Variants in CBLN2 observed in about 807,000 individuals in gnomAD.
The protein encoded by CBLN2 is cerebellin 2 precursor, also known as cerebellin-2.
CBLN2 carries 7 observed loss-of-function variants against 15.0 expected under a neutral mutation model. That is an observed-to-expected ratio of 0.47 (90% CI 0.27 to 0.88). CBLN2 has a LOEUF of 0.88. Among genes scored for constraint, CBLN2 ranks in the 40% least tolerant of loss-of-function variants. The pLI, the probability that CBLN2 is intolerant of heterozygous loss-of-function variation, is 0.14. For synonymous variants in CBLN2, 149 were observed against 135.2 expected (o/e 1.10, Z -0.71); for missense variants, 242 against 304.5 (o/e 0.79, Z 1.53).
chr18:72,610,452 A>G (rs1282797349), intron 1 of CBLN2, among the ~76,000 whole-genome samples: 1 of 152,090 alleles, frequency 6.6e-6, no homozygotes, highest in African/African-American at 2.4e-5. Context: ...ATTTTTGTGT[A>G]ATACTATTTT....
chr18:72,626,284 G>A (rs955017235), intron 1 of CBLN2, among the ~76,000 whole-genome samples: 2 of 152,028 alleles, frequency 1.3e-5, no homozygotes, highest in Middle Eastern at 3.4e-3. Flanking sequence ...AATCAGTAGG[G>A]ACAATGTCAT....
At position 72,554,291 on chromosome 18, in the gene CBLN2, A is replaced by G. The variant is rs372470511; in HGVS notation, c.16-15519T>C. ...CCTAGAGGATGTTTGCAAGAAAGTGACAAGAATAATTTTTAAGAGAAAAAT... is the reference window on the plus strand; with the variant it reads ...CCTAGAGGATGTTTGCAAGAAAGTGGCAAGAATAATTTTTAAGAGAAAAAT... On this transcript the variant is annotated intron_variant, in intron 1 of 2. Transcript: ENST00000581073. 4.0e-3 allele frequency among the ~76,000 whole-genome samples: 616 copies of G among 152,242 alleles called. 3 individuals are homozygous for G. The Middle Eastern group carries it at 0.041, about 10-fold the overall frequency.
chr18:72,573,809 G>A (rs560227957), intron 1 of CBLN2, among the ~76,000 whole-genome samples: 1 of 152,264 alleles, frequency 6.6e-6, no homozygotes, highest in Admixed American at 6.5e-5. Flanking sequence ...GTAAATACAG[G>A]TGGGTACAAC....
intron 1 of CBLN2, among the ~76,000 whole-genome samples, chr18:72,634,078 CAAT>C (rs2069795988): frequency 6.6e-6 from 1 of 151,786 alleles, no homozygotes; most frequent in African/African-American, 2.4e-5. Context: ...ATTTTTAAAA[CAAT>C]AACCAATAAT....
At chr18:72,594,356 T>A (rs2069499545) in intron 1 of CBLN2, among the ~76,000 whole-genome samples, 1 of 152,182 alleles carries the variant, frequency 6.6e-6, no homozygotes, top group Admixed American at 6.5e-5. Flanking sequence ...ATGAATGATC[T>A]TTTTAATGTT....
chr18:72,541,846 C>T lies in CBLN2; in HGVS notation c.315G>A (p.Pro105=), dbSNP rs2069114692. 2 of 1,591,894 alleles carry T rather than the reference C, an allele frequency of 1.3e-6. No homozygotes were observed. Among genetic ancestry groups the T allele is most frequent in the Non-Finnish European group, 1.7e-6 (2 of 1,171,272 alleles). Reference sequence around the variant, plus strand: ...TCATGGTGCGGTTGCTCATCTCGGACGGCTCGTGGTTGGTGCTCCGCGTGG... The same window carrying T: ...TCATGGTGCGGTTGCTCATCTCGGATGGCTCGTGGTTGGTGCTCCGCGTGG... ...FSATRSTNHE[P]SEMSNRTMTI... The change falls in exon 3 of 5, where the codon CCG becomes CCA. Residue 105 remains proline, a synonymous_variant. Coordinates refer to ENST00000269503, the MANE Select transcript of CBLN2 (RefSeq NM_182511.4).
chr18:72,581,273 A>G (rs1168868978), intron 1 of CBLN2, among the ~76,000 whole-genome samples: 1 of 152,218 alleles, frequency 6.6e-6, no homozygotes, highest in African/African-American at 2.4e-5. Flanking sequence ...TTGCTTAGTC[A>G]TATGACATAT....
intron 1 of CBLN2, among the ~76,000 whole-genome samples, chr18:72,568,662 G>A (rs1401790020): frequency 6.6e-6 from 1 of 152,036 alleles, no homozygotes; most frequent in Non-Finnish European, 1.5e-5. Flanking sequence ...ATTCTTTTGA[G>A]GTTAGTTTCT....
At chr18:72,557,070 T>C (rs1056225400) in intron 1 of CBLN2, among the ~76,000 whole-genome samples, 1 of 150,722 alleles carries the variant, frequency 6.6e-6, no homozygotes, top group Non-Finnish European at 1.5e-5. Flanking sequence ...ACTCAGTTTT[T>C]CCCCTACAAT....
chr18:72,564,394 A>G (rs1028811063), intron 1 of CBLN2, among the ~76,000 whole-genome samples: 10 of 152,166 alleles, frequency 6.6e-5, no homozygotes, highest in Non-Finnish European at 1.3e-4. Context: ...TGTAGAATTC[A>G]ACGAATGAAA....
In CBLN2 at chr18:72,582,563, T is replaced by C. The variant is rs182344836; in HGVS notation, c.16-43791A>G. Among the ~76,000 whole-genome samples, 5 of 152,254 alleles carry C rather than the reference T, an allele frequency of 3.3e-5. No homozygotes were observed. The East Asian group carries it at 9.7e-4, about 29-fold the overall frequency. The stretch of plus-strand genomic sequence containing the variant: ...TCCTGGGGTCTGAGGACAAGATTAA[T>C]AGGAGAGAATGCATGAGTTGTGCTG... On this transcript the variant is annotated intron_variant, in intron 1 of 2. Transcript: ENST00000581073.
intron 1 of CBLN2, among the ~76,000 whole-genome samples, chr18:72,588,879 G>C (rs1033708152): frequency 2.0e-5 from 3 of 152,212 alleles, no homozygotes; most frequent in African/African-American, 7.2e-5. Flanking sequence ...AAGCTGGAGC[G>C]TAATATTTGG....
intron 1 of CBLN2, among the ~76,000 whole-genome samples, chr18:72,565,255 T>G (rs924847255): frequency 9.9e-5 from 15 of 152,166 alleles, no homozygotes; most frequent in African/African-American, 3.1e-4. Flanking sequence ...ATTACTGTCA[T>G]GGTAGTAATA....
At chr18:72,594,051 C>A (rs1229090570) in intron 1 of CBLN2, among the ~76,000 whole-genome samples, 1 of 152,158 alleles carries the variant, frequency 6.6e-6, no homozygotes, top group Non-Finnish European at 1.5e-5. Flanking sequence ...CCAAATACCA[C>A]ATGTTCTCAC....
At chr18:72,603,317 A>C (rs969034048) in intron 1 of CBLN2, among the ~76,000 whole-genome samples, 3 of 152,264 alleles carry the variant, frequency 2.0e-5, no homozygotes, top group Non-Finnish European at 4.4e-5. Flanking sequence ...TGAAATCATC[A>C]GAATTTGTAA....
intron 1 of CBLN2, among the ~76,000 whole-genome samples, chr18:72,583,048 G>T (rs2069416505): frequency 6.6e-6 from 1 of 152,102 alleles, no homozygotes; most frequent in South Asian, 2.1e-4. Flanking sequence ...GTGAGAATTT[G>T]CAGAACTGAA....
At chr18:72,630,067 G>T (rs1160344379) in intron 1 of CBLN2, among the ~76,000 whole-genome samples, 6 of 152,150 alleles carry the variant, frequency 3.9e-5, no homozygotes, top group African/African-American at 1.4e-4. Flanking sequence ...AGAAGTATCT[G>T]ACTACACTAG....
chr18:72,538,517 C>A, intron 4 of CBLN2, 136 bp downstream of exon 4: 2 of 1,433,840 alleles, frequency 1.4e-6, no homozygotes, highest in Non-Finnish European at 1.9e-6. Context: ...GCACTCCCAG[C>A]TAGTTCAGAG....
intron 1 of CBLN2, among the ~76,000 whole-genome samples, chr18:72,625,444 AT>A (rs1220465782): frequency 1.3e-5 from 2 of 151,508 alleles, no homozygotes; most frequent in Non-Finnish European, 2.9e-5. Flanking sequence ...TGTTGGTGTG[AT>A]TTTTAAAATT....
Sources: gnomAD v4.1 joint callset for allele counts (sites outside exome capture counted in the v4.1 genomes callset) on GRCh38, gnomAD v4.1.1 for gene constraint, MANE v1.5 for transcripts, NCBI Gene and HGNC (gene_info 2026-07-23, HGNC 2026-07-21) for gene names.